The following TRAPPC8 variants were observed in gnomAD, a reference collection of about 807,000 sequenced individuals.
The protein encoded by TRAPPC8 is trafficking protein particle complex subunit 8.
In TRAPPC8, 54 loss-of-function variants were observed where a neutral mutation model predicts 174.3. That is an observed-to-expected ratio of 0.31 (90% CI 0.25 to 0.39). The LOEUF (loss-of-function observed/expected upper bound fraction) is 0.39. Ranked by LOEUF, TRAPPC8 falls within the 10% of genes least tolerant of loss-of-function variation. The pLI is 1.00. For missense variants in TRAPPC8, 1,531 were observed against 1,699.1 expected (o/e 0.90, Z 1.74); for synonymous variants, 630 against 579.9 (o/e 1.09, Z -1.24).
intron 2 of TRAPPC8, among the ~76,000 whole-genome samples, chr18:31,926,964 C>T (rs948726394): frequency 6.6e-6 from 1 of 152,102 alleles, no homozygotes; most frequent in Non-Finnish European, 1.5e-5. Flanking sequence ...ACGCCATAGA[C>T]AGCCATATAA....
chr18:31,909,077 A>C, intron 6 of TRAPPC8, 67 bp from the exon 7 acceptor site: 1 of 1,374,542 alleles, frequency 7.3e-7, no homozygotes, highest in South Asian at 1.6e-5. Context: ...ATACTACCAT[A>C]CTGCTAAAGA....
chr18:31,924,625 T>G (rs1484228929), intron 2 of TRAPPC8, among the ~76,000 whole-genome samples: 1 of 149,140 alleles, frequency 6.7e-6, no homozygotes, highest in East Asian at 2.0e-4. Context: ...ATACTAATTT[T>G]TTTAAATCTG....
rs1472244299 is a variant in TRAPPC8 at position 31,839,452 on chromosome 18, T to A, written c.3843A>T (p.Pro1281=). The A allele has an allele frequency of 1.3e-6, 2 of 1,590,894 alleles. No individual in the cohort carries two copies. Among genetic ancestry groups the A allele is most frequent in the African/African-American group, 2.7e-5 (2 of 73,424 alleles). ...AAAATTTCAATAGTTCCATTTCTGGTGGCTCCTGAGAAAAGAAAGAAAAAA... is the reference window on the plus strand; with the variant it reads ...AAAATTTCAATAGTTCCATTTCTGGAGGCTCCTGAGAAAAGAAAGAAAAAA... The part of the protein sequence containing the change: ...EAFSYPQKQE[P]PEMELLKFFR... Residue 1281 remains proline, a synonymous_variant, in exon 27 of 29, where the codon CCA becomes CCT. Coordinates refer to ENST00000283351, the MANE Select transcript of TRAPPC8 (RefSeq NM_014939.5).
intron 12 of TRAPPC8, among the ~76,000 whole-genome samples, chr18:31,880,793 T>C (rs2035412430): frequency 6.6e-6 from 1 of 152,104 alleles, no homozygotes. Context: ...TTAGGATAAA[T>C]GACTTCAGCA....
intron 24 of TRAPPC8, 130 bp downstream of exon 24, chr18:31,852,316 G>T: frequency 3.1e-6 from 3 of 970,756 alleles, no homozygotes; most frequent in African/African-American, 1.6e-5. Context: ...ACTCCTGGGA[G>T]ACAGAGCAAG....
In TRAPPC8 at chr18:31,917,612, T is replaced by C. The variant is rs200585853; in HGVS notation, c.408A>G (p.Ala136=). The C allele has an allele frequency of 6.2e-7, 1 of 1,613,570 alleles. No individual in the cohort carries two copies. The highest frequency in any genetic ancestry group is 2.2e-5 in the East Asian group (1 of 44,846). Residue 136 remains alanine, a synonymous_variant, in exon 3 of 29, where the codon GCA becomes GCG. Transcript: ENST00000283351. The part of the protein sequence containing the change: ...YRETFLQSMP[A]LDHEFLNHYL... Reference sequence around the variant, plus strand: ...AGTGGTTCAGAAATTCATGATCCAATGCTGGCATCGACTGAAGAAAGGTTT... The same window carrying C: ...AGTGGTTCAGAAATTCATGATCCAACGCTGGCATCGACTGAAGAAAGGTTT...
intron 5 of TRAPPC8, among the ~76,000 whole-genome samples, chr18:31,911,565 C>G (rs1357637657): frequency 1.3e-5 from 2 of 151,472 alleles, no homozygotes; most frequent in Non-Finnish European, 2.9e-5. Flanking sequence ...ATGGTGAAAC[C>G]CCATCTCTAC....
At chr18:31,922,300 T>C (rs9956632) in intron 2 of TRAPPC8, among the ~76,000 whole-genome samples, 6,156 of 152,274 alleles carry the variant, frequency 0.04, 356 homozygotes, top group African/African-American at 0.12. Flanking sequence ...TAGTAGTAAC[T>C]GGTAGCTTGT....
chr18:31,885,232 T>G (rs1031982497), intron 12 of TRAPPC8, among the ~76,000 whole-genome samples: 1 of 152,192 alleles, frequency 6.6e-6, no homozygotes. Flanking sequence ...CTGGACGGCA[T>G]GAAATGAGAA....
intron 11 of TRAPPC8, chr18:31,895,782 AT>A (rs1192513940): frequency 7.2e-5 from 11 of 152,248 alleles, no homozygotes; most frequent in African/African-American, 2.7e-4. Context: ...GAATATCAAA[AT>A]ACTCAAAAGC....
At chr18:31,868,663 C>CTTAT (rs10569992) in intron 16 of TRAPPC8, among the ~76,000 whole-genome samples, 59 of 151,848 alleles carry the variant, frequency 3.9e-4, no homozygotes, top group East Asian at 3.5e-3. Flanking sequence ...ACCAGCAAGA[C>CTTAT]TTATTTATTT....
intron 21 of TRAPPC8, 31 bp from the exon 22 acceptor site, chr18:31,853,976 G>C (rs905887949): frequency 2.6e-6 from 4 of 1,527,668 alleles, no homozygotes; most frequent in Admixed American, 1.8e-5. Context: ...AGTCATTCAG[G>C]ATTTAGAAGC....
At chr18:31,932,997 CAAA>C (rs35234467) in intron 1 of TRAPPC8, among the ~76,000 whole-genome samples, 6 of 42,684 alleles carry the variant, frequency 1.4e-4, no homozygotes, top group South Asian at 9.2e-4. Context: ...GACTCCGTCT[CAAA>C]AAAAAAAAAA....
At position 31,836,924 on chromosome 18, in the gene TRAPPC8, G is replaced by A. The variant is rs1325806592; in HGVS notation, c.3983+2388C>T. On this transcript the variant is annotated intron_variant, in intron 27 of 28. Coordinates refer to ENST00000283351, the MANE Select transcript of TRAPPC8 (RefSeq NM_014939.5). Reference sequence around the variant, plus strand: ...CTACAGGTGCCCGCCACCACACCCGGCTAATTTTTTTGTATTTTTAGTAGA... The same window carrying A: ...CTACAGGTGCCCGCCACCACACCCGACTAATTTTTTTGTATTTTTAGTAGA... Among the ~76,000 whole-genome samples the A allele has an allele frequency of 2.0e-5, 3 of 151,876 alleles. No homozygotes were observed. In the East Asian group the frequency reaches 5.8e-4, roughly 30 times the overall value.
chr18:31,925,772 G>C (rs2037589403), intron 2 of TRAPPC8, among the ~76,000 whole-genome samples: 1 of 152,158 alleles, frequency 6.6e-6, no homozygotes, highest in South Asian at 2.1e-4. Context: ...ACATATAATG[G>C]CTTCTAGCTT....
chr18:31,908,085 A>G (rs2036741728), intron 8 of TRAPPC8, among the ~76,000 whole-genome samples: 1 of 152,224 alleles, frequency 6.6e-6, no homozygotes, highest in Non-Finnish European at 1.5e-5. Context: ...ATAAGGAAAC[A>G]GACCAAAAGT....
At chr18:31,837,825 C>T (rs994508474) in intron 27 of TRAPPC8, among the ~76,000 whole-genome samples, 8 of 152,088 alleles carry the variant, frequency 5.3e-5, no homozygotes, top group African/African-American at 1.9e-4. Flanking sequence ...ATCAATTCTA[C>T]AGGTTCCTGC....
chr18:31,870,976 C>T lies in TRAPPC8; in HGVS notation c.2207G>A (p.Cys736Tyr). ...TGAATTATCTGAGTAACTGTTCAAA[C>T]AGTATTGTGTGGGATGAAAATTGGA... ...IPSNFHPTQY[C>Y]LNSYSDNSRF... The change falls in exon 15 of 29, where the codon TGT becomes TAT. Residue 736 changes from cysteine (C) to tyrosine (Y), a missense_variant. Coordinates refer to ENST00000283351, the MANE Select transcript of TRAPPC8 (RefSeq NM_014939.5). 1 of 1,606,186 alleles carries T rather than the reference C, an allele frequency of 6.2e-7. No individual in the cohort carries two copies. Among genetic ancestry groups the T allele is most frequent in the South Asian group, 1.1e-5 (1 of 89,406 alleles).
At chr18:31,915,407 G>A (rs571033849) in intron 4 of TRAPPC8, among the ~76,000 whole-genome samples, 5 of 142,588 alleles carry the variant, frequency 3.5e-5, no homozygotes, top group African/African-American at 5.2e-5. Flanking sequence ...AGGCTGCAGT[G>A]AGCCAAGATC....
Sources: gnomAD v4.1 joint callset for allele counts (sites outside exome capture counted in the v4.1 genomes callset) on GRCh38, gnomAD v4.1.1 for gene constraint, MANE v1.5 for transcripts, NCBI Gene and HGNC (gene_info 2026-07-23, HGNC 2026-07-21) for gene names.